Variants in ZPBP observed in about 807,000 individuals in gnomAD.
The protein encoded by ZPBP is zona pellucida-binding protein 1.
Under a neutral mutation model 44.8 loss-of-function variants are expected in ZPBP, and 26 were observed. The observed-to-expected ratio is 0.58, with a 90% CI of 0.43 to 0.81. The LOEUF (loss-of-function observed/expected upper bound fraction) is 0.81, where lower values mean the gene tolerates loss of function less well. Among genes scored for constraint, ZPBP ranks in the 30% least tolerant of loss-of-function variants. ZPBP has a pLI of 0.00. For missense variants in ZPBP, 409 were observed against 434.0 expected (o/e 0.94, Z 0.51); for synonymous variants, 174 against 153.2 (o/e 1.14, Z -1.00).
At chr7:50,047,152 G>C (rs755145726) in intron 4 of ZPBP, among the ~76,000 whole-genome samples, 1 of 152,032 alleles carries the variant, frequency 6.6e-6, no homozygotes, top group Non-Finnish European at 1.5e-5. Flanking sequence ...TTGGGTGGTG[G>C]GGGAGCTAGG....
At chr7:49,852,880 C>T (rs1790241533) in intron 2 of ZPBP, among the ~76,000 whole-genome samples, 1 of 152,222 alleles carries the variant, frequency 6.6e-6, no homozygotes, top group Non-Finnish European at 1.5e-5. Context: ...TGGAAACTGG[C>T]TTCTGTAAAG....
chr7:49,871,940 C>G (rs1791171626), intron 2 of ZPBP, among the ~76,000 whole-genome samples: 1 of 121,768 alleles, frequency 8.2e-6, no homozygotes, highest in Non-Finnish European at 1.7e-5. Flanking sequence ...CACACACACA[C>G]ACACACACAC....
chr7:49,956,589 A>G (rs1033053012), intron 7 of ZPBP, among the ~76,000 whole-genome samples: 2 of 152,146 alleles, frequency 1.3e-5, no homozygotes, highest in Non-Finnish European at 2.9e-5. Flanking sequence ...ACAACCATGT[A>G]TAAGATCTAT....
intron 6 of ZPBP, among the ~76,000 whole-genome samples, chr7:50,014,813 C>T (rs1414749858): frequency 6.6e-6 from 1 of 152,018 alleles, no homozygotes; most frequent in Admixed American, 6.6e-5. Flanking sequence ...TACAACATCA[C>T]TGGGACAAGT....
downstream of ZPBP, among the ~76,000 whole-genome samples, chr7:49,936,698 T>C (rs2128751594): frequency 6.6e-6 from 1 of 152,362 alleles, no homozygotes; most frequent in South Asian, 2.1e-4. Flanking sequence ...AATTTAAGTC[T>C]TTTAATTTTT....
intron 1 of ZPBP, among the ~76,000 whole-genome samples, chr7:49,923,947 A>C (rs1433428600): frequency 6.6e-6 from 1 of 152,190 alleles, no homozygotes; most frequent in Non-Finnish European, 1.5e-5. Context: ...AACATGGCGA[A>C]GCCCCGTCTC....
chr7:49,853,141 C>T (rs1790264018), intron 2 of ZPBP, among the ~76,000 whole-genome samples: 1 of 152,260 alleles, frequency 6.6e-6, no homozygotes, highest in South Asian at 2.1e-4. Context: ...GGGCTCTGAA[C>T]AGGAGCAGTC....
At chr7:49,881,915 A>G (rs928595398) in intron 2 of ZPBP, among the ~76,000 whole-genome samples, 2 of 152,080 alleles carry the variant, frequency 1.3e-5, no homozygotes, top group African/African-American at 4.8e-5. Context: ...TCAATTTCCA[A>G]TTAATTAAAA....
intron 7 of ZPBP, among the ~76,000 whole-genome samples, chr7:49,957,574 G>GGTGGTGTC (rs1475956577): frequency 2.6e-5 from 4 of 152,190 alleles, no homozygotes; most frequent in African/African-American, 9.6e-5. Flanking sequence ...AACAAATCTT[G>GGTGGTGTC]GTGGTGTCCA....
intron 7 of ZPBP, among the ~76,000 whole-genome samples, chr7:49,972,239 G>T (rs1383621859): frequency 6.6e-6 from 1 of 151,330 alleles, no homozygotes; most frequent in Non-Finnish European, 1.5e-5. Context: ...GAAAGTTCTA[G>T]CCAGAGAAAT....
In ZPBP at chr7:50,008,221, T is replaced by C. The variant is rs374392112; in HGVS notation, c.783+10019A>G. On this transcript the variant is annotated intron_variant, in intron 6 of 7. Transcript: ENST00000046087. ...CATGCAAATATCAGTTGTTTTCCTA[T>C]ACATTAAAAACAAACTATACCAAAA... Among the ~76,000 whole-genome samples the C allele has an allele frequency of 2.0e-5, 3 of 151,932 alleles. No individual in the cohort carries two copies. In the South Asian group the frequency reaches 6.2e-4, roughly 31 times the overall value.
intron 6 of ZPBP, among the ~76,000 whole-genome samples, chr7:49,989,937 C>T (rs1251272927): frequency 6.6e-6 from 1 of 152,166 alleles, no homozygotes; most frequent in Non-Finnish European, 1.5e-5. Context: ...TGCCAGTTTT[C>T]TTGGCATGTC....
intron 5 of ZPBP, among the ~76,000 whole-genome samples, chr7:50,023,527 C>T (rs189206691): frequency 6.6e-6 from 1 of 151,948 alleles, no homozygotes; most frequent in Non-Finnish European, 1.5e-5. Flanking sequence ...AAATATCACA[C>T]ACTAAAAGAA....
downstream of ZPBP, among the ~76,000 whole-genome samples, chr7:49,849,673 T>A (rs75636738): frequency 0.07 from 10,608 of 152,276 alleles, 496 homozygotes; most frequent in Non-Finnish European, 0.1. Flanking sequence ...TGTTTCACCA[T>A]TTGGTAGTGC....
At chr7:49,978,226 G>A (rs957999850) in intron 7 of ZPBP, among the ~76,000 whole-genome samples, 2 of 151,472 alleles carry the variant, frequency 1.3e-5, no homozygotes, top group African/African-American at 4.8e-5. Flanking sequence ...CGTAATATTA[G>A]GCTAGTCTTT....
intron 1 of ZPBP, among the ~76,000 whole-genome samples, chr7:49,909,618 C>A (rs1378845308): frequency 6.6e-6 from 1 of 152,160 alleles, no homozygotes; most frequent in Non-Finnish European, 1.5e-5. Flanking sequence ...GCTCAGACAT[C>A]ATAAATCTGG....
At chr7:50,077,698 A>G (rs1802164304) in intron 3 of ZPBP, among the ~76,000 whole-genome samples, 1 of 151,784 alleles carries the variant, frequency 6.6e-6, no homozygotes, top group African/African-American at 2.4e-5. Flanking sequence ...AAGAGGTATC[A>G]TCTCACCAGT....
chr7:50,003,795 T>G (rs1310899801), intron 6 of ZPBP, among the ~76,000 whole-genome samples: 1 of 151,446 alleles, frequency 6.6e-6, no homozygotes, highest in Non-Finnish European at 1.5e-5. Context: ...TTTCAACAAA[T>G]GTTTACAAAG....
intron 7 of ZPBP, among the ~76,000 whole-genome samples, chr7:49,967,927 C>A (rs1212354949): frequency 6.6e-6 from 1 of 152,054 alleles, no homozygotes; most frequent in African/African-American, 2.4e-5. Flanking sequence ...GCAGGTTGTG[C>A]TGGGTTGAAT....
Sources: gnomAD v4.1 joint callset for allele counts (sites outside exome capture counted in the v4.1 genomes callset) on GRCh38, gnomAD v4.1.1 for gene constraint, MANE v1.5 for transcripts, NCBI Gene and HGNC (gene_info 2026-07-23, HGNC 2026-07-21) for gene names.